NLRP4: variants seen among roughly 807,000 people sequenced by gnomAD.
NLRP4 encodes the protein NLR family pyrin domain containing 4.
NLRP4 carries 44 observed loss-of-function variants against 84.7 expected under a neutral mutation model. That is an observed-to-expected ratio of 0.52 (90% CI 0.41 to 0.67). The LOEUF is 0.67. Among genes scored for constraint, NLRP4 ranks in the 30% least tolerant of loss-of-function variants. The pLI, the probability that NLRP4 is intolerant of heterozygous loss-of-function variation, is 0.00. For missense variants in NLRP4, 1,260 were observed against 1,219.4 expected, an observed-to-expected ratio of 1.03 and a Z score of -0.50; for synonymous variants, 544 against 476.4, an observed-to-expected ratio of 1.14 and a Z score of -1.85.
At chr19:55,847,866 C>T (rs1036963022) in intron 1 of NLRP4, among the ~76,000 whole-genome samples, 1 of 152,058 alleles carries the variant, frequency 6.6e-6, no homozygotes, top group Admixed American at 6.6e-5. Context: ...AGACACCTGC[C>T]ACCACGCCCG....
intron 1 of NLRP4, among the ~76,000 whole-genome samples, chr19:55,845,958 T>C (rs1286459509): frequency 2.6e-5 from 4 of 152,042 alleles, no homozygotes; most frequent in Non-Finnish European, 5.9e-5. Context: ...GAAAATTTTC[T>C]CCCATTCTGT....
At chr19:55,838,636 T>C (rs1983488589) in intron 1 of NLRP4, among the ~76,000 whole-genome samples, 1 of 152,104 alleles carries the variant, frequency 6.6e-6, no homozygotes, top group Non-Finnish European at 1.5e-5. Flanking sequence ...GCTTCAAGAA[T>C]ATATCCTTAG....
In NLRP4 at chr19:55,858,448, A is replaced by G; in HGVS notation, c.1055A>G (p.Lys352Arg). 1 of 1,614,126 alleles carries G rather than the reference A, an allele frequency of 6.2e-7. No homozygotes were observed. The highest frequency in any genetic ancestry group is 8.5e-7 in the Non-Finnish European group (1 of 1,180,040). Residue 352 changes from lysine to arginine, a missense_variant, in exon 3 of 10, where the codon AAG becomes AGG. This residue lies in a region of NLRP4 where 712 missense variants were observed against 669.2 expected (regional missense o/e 1.06). Transcript: ENST00000301295. The surrounding 1 kb of genome is among the most constrained non-coding windows in gnomAD (Gnocchi z 4.2). ...TGCTGGATCCTGTGTACCAGTCTGA[A>G]GCAAGAGATGCAGAAAGGAAAAGAC... ...LLCWILCTSL[K>R]QEMQKGKDLA...
At chr19:55,870,731 G>T (rs1985143476) in intron 6 of NLRP4, 96 bp from the exon 7 acceptor site, 6 of 844,924 alleles carry the variant, frequency 7.1e-6, no homozygotes, top group Non-Finnish European at 9.7e-6. Context: ...GAGTTTGTAA[G>T]ATTATAGAAA....
At position 55,847,695 on chromosome 19, in the gene NLRP4, C is replaced by A. The variant is rs11401612; in HGVS notation, c.-65-4321C>A. On this transcript the variant is annotated intron_variant, in intron 1 of 9. Transcript: ENST00000301295. The stretch of plus-strand genomic sequence containing the variant: ...ACTAAGATTATTCTTTCTTCAGATT[C>A]CCCCCTTTTTACCTAATATCCTTTT... Among the ~76,000 whole-genome samples, 38 of 137,938 alleles carry A rather than the reference C, an allele frequency of 2.8e-4. No individual in the cohort carries two copies. The South Asian group carries it at 8.2e-3, about 30-fold the overall frequency. 90.5% of individuals were successfully genotyped at this position (137,938 alleles called of 152,430 possible).
In NLRP4 at chr19:55,877,151, G is replaced by A. The variant is rs772339690; in HGVS notation, c.2681G>A (p.Arg894His). 4.3e-5 allele frequency: 70 copies of A among 1,613,554 alleles called. No individual in the cohort carries two copies. The highest frequency in any genetic ancestry group is 1.3e-4 in the Admixed American group (8 of 59,976). Residue 894 changes from arginine (R) to histidine (H), a missense_variant, in exon 8 of 10, where the codon CGC (arginine) becomes CAC (histidine). Transcript: ENST00000301295. ...LCRALTHTDCRLEILGLEECG... is the reference protein window; with the variant it reads ...LCRALTHTDCHLEILGLEECG... ...CGGGCTCTGACGCATACGGATTGCC[G>A]CTTAGAGATTCTTGGGTGGGTATCG...
chr19:55,841,919 C>T (rs1048640956), intron 1 of NLRP4, among the ~76,000 whole-genome samples: 3 of 152,078 alleles, frequency 2.0e-5, no homozygotes, highest in Admixed American at 6.6e-5. Flanking sequence ...CTTTGACATA[C>T]GAATTTCCTT....
chr19:55,873,545 G>A (rs553465106), intron 7 of NLRP4, among the ~76,000 whole-genome samples: 9 of 152,182 alleles, frequency 5.9e-5, no homozygotes, highest in African/African-American at 1.9e-4. Context: ...TTATTAAAAC[G>A]TGAGGTTGTG....
intron 2 of NLRP4, among the ~76,000 whole-genome samples, chr19:55,856,208 G>A (rs536618429): frequency 6.6e-6 from 1 of 152,204 alleles, no homozygotes; most frequent in Admixed American, 6.5e-5. Context: ...TGACCAGGCT[G>A]GTCTCGATCT....
chr19:55,860,293 T>C (rs1984699054), intron 3 of NLRP4, among the ~76,000 whole-genome samples: 1 of 152,156 alleles, frequency 6.6e-6, no homozygotes, highest in Non-Finnish European at 1.5e-5. Context: ...CCAAATCATA[T>C]ACATTTTAAC....
chr19:55,842,251 C>A (rs746873280), intron 1 of NLRP4, among the ~76,000 whole-genome samples: 3 of 152,170 alleles, frequency 2.0e-5, no homozygotes, highest in Non-Finnish European at 2.9e-5. Flanking sequence ...CCATCTTTGC[C>A]TCTGTACCAT....
At chr19:55,879,151 A>G (rs1028340660) in intron 9 of NLRP4, among the ~76,000 whole-genome samples, 187 bp downstream of exon 9, 1 of 152,202 alleles carries the variant, frequency 6.6e-6, no homozygotes, top group Non-Finnish European at 1.5e-5. Context: ...TGAACAGTGA[A>G]TGTCCAACAA....
chr19:55,874,047 A>G (rs1985282947), intron 7 of NLRP4, among the ~76,000 whole-genome samples: 1 of 152,170 alleles, frequency 6.6e-6, no homozygotes, highest in Non-Finnish European at 1.5e-5. Flanking sequence ...TGAAACAAAA[A>G]TCACAATGGA....
chr19:55,857,324 AATGT>A (rs990395424), intron 2 of NLRP4: 87 of 221,156 alleles, frequency 3.9e-4, no homozygotes, highest in African/African-American at 3.5e-3. Flanking sequence ...AGTAGCAATG[AATGT>A]GTGTGTGTGT....
At position 55,849,817 on chromosome 19, in the gene NLRP4, C is replaced by T. The variant is rs997471063; in HGVS notation, c.-65-2199C>T. On this transcript the variant is annotated intron_variant, in intron 1 of 9. Transcript: ENST00000301295. Reference sequence around the variant, plus strand: ...AGCTGCGGTGTAATTTCCAAAGCTGCGGTGTAATTTCCGAAGCTGCGGTGT... The same window carrying T: ...AGCTGCGGTGTAATTTCCAAAGCTGTGGTGTAATTTCCGAAGCTGCGGTGT... Among the ~76,000 whole-genome samples, 34 of 151,786 alleles carry T rather than the reference C, an allele frequency of 2.2e-4. 1 individual carries two copies. The highest frequency in any genetic ancestry group is 4.2e-4 in the South Asian group (2 of 4,814).
intron 9 of NLRP4, among the ~76,000 whole-genome samples, chr19:55,879,880 A>C (rs1293652937): frequency 6.6e-6 from 1 of 151,836 alleles, no homozygotes; most frequent in Non-Finnish European, 1.5e-5. Flanking sequence ...ATTTATGTGT[A>C]AATACAAGTT....
At chr19:55,842,529 CT>C (rs57463609) in intron 1 of NLRP4, among the ~76,000 whole-genome samples, 22,256 of 148,508 alleles carry the variant, frequency 0.15, 1,756 homozygotes, top group Middle Eastern at 0.17. Context: ...TGTCCTTTTT[CT>C]TTTTTTTTTA....
chr19:55,867,077 T>A (rs1186168458), intron 5 of NLRP4, among the ~76,000 whole-genome samples: 1 of 150,520 alleles, frequency 6.6e-6, no homozygotes, highest in African/African-American at 2.5e-5. Flanking sequence ...AGGTTGGCTG[T>A]CTCTGTACCC....
chr19:55,876,905 T>A (rs1985394076), intron 7 of NLRP4, 91 bp from the exon 8 acceptor site: 3 of 1,050,048 alleles, frequency 2.9e-6, no homozygotes, highest in Admixed American at 2.2e-5. Context: ...TCCACATGAA[T>A]GACAAAGGCT....
Sources: gnomAD v4.1 joint callset for allele counts (sites outside exome capture counted in the v4.1 genomes callset) on GRCh38, gnomAD v4.1.1 for gene constraint, gnomAD v4.1.1 regional missense constraint, Gnocchi (gnomAD v3.1) non-coding constraint, MANE v1.5 for transcripts, NCBI Gene and HGNC (gene_info 2026-07-23, HGNC 2026-07-21) for gene names.